NBEA: variants seen among roughly 807,000 people sequenced by gnomAD.
NBEA encodes lysosomal-trafficking regulator 2.
In NBEA, 44 loss-of-function variants were observed where a neutral mutation model predicts 343.4. The ratio of observed to expected loss-of-function variants is 0.13; its 90% CI spans 0.10 to 0.16. The LOEUF (loss-of-function observed/expected upper bound fraction) is 0.16, where lower values mean the gene tolerates loss of function less well. NBEA is among the 10% of genes least tolerant of loss of function. The probability of loss-of-function intolerance (pLI) is 1.00; values close to 1 mark genes in which losing one functional copy is unlikely to be tolerated. For synonymous variants in NBEA, 1,175 were observed against 1,238.7 expected, an observed-to-expected ratio of 0.95 and a Z score of 1.08; for missense variants, 2,555 against 3,631.3, an observed-to-expected ratio of 0.70 and a Z score of 7.62.
At chr13:35,443,101 C>G (rs1466049830) in intron 39 of NBEA, among the ~76,000 whole-genome samples, 1 of 152,070 alleles carries the variant, frequency 6.6e-6, no homozygotes, top group African/African-American at 2.4e-5. Flanking sequence ...AAATTTAACA[C>G]TTGGAATAAT....
intron 36 of NBEA, among the ~76,000 whole-genome samples, chr13:35,346,441 T>C (rs2039881400): frequency 6.6e-6 from 1 of 152,168 alleles, no homozygotes; most frequent in Admixed American, 6.6e-5. Flanking sequence ...TGTTCTTTTT[T>C]AGCTTCTTTT....
intron 21 of NBEA, among the ~76,000 whole-genome samples, chr13:35,158,357 C>T (rs2069323330): frequency 6.6e-6 from 1 of 151,962 alleles, no homozygotes; most frequent in Non-Finnish European, 1.5e-5. Flanking sequence ...TATAAATTTA[C>T]ATTTTGTGAA....
At chr13:35,440,340 C>T (rs2045671019) in intron 39 of NBEA, among the ~76,000 whole-genome samples, 1 of 152,144 alleles carries the variant, frequency 6.6e-6, no homozygotes, top group Non-Finnish European at 1.5e-5. Context: ...GATCATTGTT[C>T]AGAATCTTGC....
intron 48 of NBEA, among the ~76,000 whole-genome samples, chr13:35,618,813 TA>T (rs1379306672): frequency 6.6e-6 from 1 of 152,150 alleles, no homozygotes; most frequent in Non-Finnish European, 1.5e-5. Flanking sequence ...CATCATAATC[TA>T]CCCTTTTAAA....
chr13:35,103,350 A>G (rs1413607635), intron 11 of NBEA, among the ~76,000 whole-genome samples: 2 of 150,950 alleles, frequency 1.3e-5, no homozygotes, highest in Admixed American at 1.3e-4. Context: ...TGACCTGTGA[A>G]TATTTCAGTT....
chr13:35,099,219 G>A (rs1396919470), intron 11 of NBEA, among the ~76,000 whole-genome samples: 2 of 114,940 alleles, frequency 1.7e-5, no homozygotes, highest in Admixed American at 2.0e-4. Context: ...TTTTTTTTGA[G>A]ATGGAGTCTT....
chr13:35,231,164 T>C (rs946313047), intron 33 of NBEA, among the ~76,000 whole-genome samples: 1 of 152,132 alleles, frequency 6.6e-6, no homozygotes, highest in Non-Finnish European at 1.5e-5. Flanking sequence ...TCTCTAGAGC[T>C]GTTGACACGG....
chr13:35,594,882 A>C (rs182726120), intron 47 of NBEA, among the ~76,000 whole-genome samples: 1 of 151,906 alleles, frequency 6.6e-6, no homozygotes, highest in Admixed American at 6.6e-5. Flanking sequence ...TTTAAATCAG[A>C]GCTATATCCA....
chr13:35,251,279 A>G, intron 34 of NBEA: 3 of 532,758 alleles, frequency 5.6e-6, no homozygotes, highest in Non-Finnish European at 7.5e-6. Context: ...CGCTGGTAGC[A>G]GATTCATAGT....
intron 36 of NBEA, among the ~76,000 whole-genome samples, chr13:35,319,905 G>A (rs1437335400): frequency 1.3e-5 from 2 of 149,730 alleles, no homozygotes; most frequent in African/African-American, 5.0e-5. Flanking sequence ...CAGGGACTAC[G>A]ATTGCAACCT....
At chr13:34,943,399 C>T (rs1435734009) in intron 1 of NBEA, among the ~76,000 whole-genome samples, 2 of 151,990 alleles carry the variant, frequency 1.3e-5, no homozygotes, top group Non-Finnish European at 2.9e-5. Flanking sequence ...CCAGTACCCG[C>T]GGTGAAGGTT....
chr13:35,615,144 C>A (rs4995104), intron 48 of NBEA, among the ~76,000 whole-genome samples: 28,154 of 127,226 alleles, frequency 0.22, 3,126 homozygotes, highest in Non-Finnish European at 0.26. Context: ...AAAAAAAAAA[C>A]AAAAAAAAAT....
In NBEA at chr13:35,365,587, A is replaced by T. The variant is rs568087774; in HGVS notation, c.6179+13264A>T. Among the ~76,000 whole-genome samples the T allele has an allele frequency of 1.4e-4, 22 of 151,786 alleles. No homozygotes were observed. The East Asian group carries it at 2.9e-3, about 20-fold the overall frequency. On this transcript the variant is annotated intron_variant, in intron 38 of 58. Transcript: ENST00000379939. ...GGCATTTTTGTTGAAATCATTGAAG[A>T]TGGAACATTATTAGGCTAGTGAGAT...
At chr13:35,551,116 CATT>C (rs1198985601) in intron 43 of NBEA, 84 bp downstream of exon 43, 1 of 747,588 alleles carries the variant, frequency 1.3e-6, no homozygotes, top group Admixed American at 3.3e-5. Flanking sequence ...GTGGTTATAA[CATT>C]ATAATTATTT....
intron 34 of NBEA, among the ~76,000 whole-genome samples, chr13:35,239,449 ATAT>A (rs1297660385): frequency 6.6e-6 from 1 of 152,108 alleles, no homozygotes; most frequent in African/African-American, 2.4e-5. Flanking sequence ...GTTGGTAGTA[ATAT>A]TATCGATATT....
chr13:35,482,662 A>G (rs2076164521), intron 41 of NBEA, among the ~76,000 whole-genome samples: 1 of 151,440 alleles, frequency 6.6e-6, no homozygotes, highest in Admixed American at 6.6e-5. Flanking sequence ...AATAAAATGT[A>G]TAGCTTTGTT....
intron 4 of NBEA, among the ~76,000 whole-genome samples, chr13:35,045,671 A>T (rs920150300): frequency 6.6e-6 from 1 of 151,828 alleles, no homozygotes; most frequent in African/African-American, 2.4e-5. Context: ...CCTTTTCTAG[A>T]TTGTCATATA....
chr13:35,597,009 A>G (rs1040366727), intron 47 of NBEA, among the ~76,000 whole-genome samples: 1 of 152,164 alleles, frequency 6.6e-6, no homozygotes, highest in Non-Finnish European at 1.5e-5. Flanking sequence ...AAGCCATAAA[A>G]TGGTACGCTC....
chr13:35,277,113 G>A (rs2034641896), intron 34 of NBEA, among the ~76,000 whole-genome samples: 1 of 152,086 alleles, frequency 6.6e-6, no homozygotes, highest in Admixed American at 6.6e-5. Context: ...GCTAGTTATG[G>A]ACAAGATTCA....
Sources: allele counts gnomAD v4.1 joint callset (sites outside exome capture counted in the v4.1 genomes callset), GRCh38; gene constraint gnomAD v4.1.1; transcripts MANE v1.5; gene names NCBI Gene and HGNC (gene_info 2026-07-23, HGNC 2026-07-21).